Variants in LNX1 observed in about 807,000 individuals in gnomAD.
LNX1 encodes the protein E3 ubiquitin-protein ligase LNX.
LNX1 carries 54 observed loss-of-function variants against 68.4 expected under a neutral mutation model. The observed-to-expected ratio is 0.79, with a 90% confidence interval of 0.63 to 0.99. The LOEUF (loss-of-function observed/expected upper bound fraction) is 0.99, where lower values mean the gene tolerates loss of function less well. Ranked by LOEUF, LNX1 falls within the 50% of genes least tolerant of loss-of-function variation. LNX1 has a pLI of 0.00. For missense variants in LNX1, 906 were observed against 926.4 expected (o/e 0.98, Z 0.29); for synonymous variants, 336 against 350.0 (o/e 0.96, Z 0.45).
Position 53,539,105 on chromosome 4 carries a change from G to A in LNX1, c.381-30878C>T, listed in dbSNP as rs567724955. 3 of 152,266 alleles carry A rather than the reference G, an allele frequency of 2.0e-5. No homozygotes were observed. In the South Asian group the frequency reaches 6.2e-4, roughly 32 times the overall value. The allele number at this position is 152,266 out of a possible 1,614,324, so 9.4% of individuals were successfully genotyped here. ...TTTTTTCCTTTAGGTTAAATTTCCT[G>A]GATAAAATCAGATCAGCCGTGTAAT... On this transcript the variant is annotated intron_variant, in intron 2 of 10. Coordinates refer to ENST00000263925, the MANE Select transcript of LNX1 (RefSeq NM_001126328.3).
chr4:53,461,119 T>C, intron 10 of LNX1, 77 bp from the exon 11 acceptor site: 1 of 1,214,152 alleles, frequency 8.2e-7, no homozygotes, highest in Non-Finnish European at 1.1e-6. Context: ...ATCTTAGTGG[T>C]GCTAGATTTT....
At chr4:53,594,377 C>T (rs1219561152), upstream of LNX1, among the ~76,000 whole-genome samples, 1 of 152,050 alleles carries the variant, frequency 6.6e-6, no homozygotes, top group Non-Finnish European at 1.5e-5. Flanking sequence ...CTTCTGCGGC[C>T]TATCACTTTA....
intron 1 of LNX1, among the ~76,000 whole-genome samples, chr4:53,590,488 A>G (rs1015100721): frequency 7.5e-6 from 1 of 133,326 alleles, no homozygotes; most frequent in Non-Finnish European, 1.6e-5. Flanking sequence ...AATATTGGCT[A>G]AAGAGTTTGA....
chr4:53,520,696 T>C (rs1214032350), intron 2 of LNX1, among the ~76,000 whole-genome samples: 1 of 152,210 alleles, frequency 6.6e-6, no homozygotes, highest in Non-Finnish European at 1.5e-5. Context: ...GCATGGAGGC[T>C]CATGCCTGTA....
Position 53,476,817 on chromosome 4 carries a change from T to G in LNX1, c.1828A>C (p.Asn610His). Residue 610 changes from asparagine to histidine, a missense_variant, in exon 9 of 11, where the codon AAC becomes CAC. Transcript: ENST00000263925. ...DCSSPAALDS[N>H]HNMAPPSDWS... ...TCACTGGGTGGGGCCATGTTGTGGT[T>G]GGAGTCCAGGGCTGCTGGGCTGCTG... is the stretch of plus-strand genomic sequence containing the variant. The G allele has an allele frequency of 6.2e-7, 1 of 1,614,168 alleles. No individual in the cohort carries two copies. Among genetic ancestry groups the G allele is most frequent in the South Asian group, 1.1e-5 (1 of 91,082 alleles).
At chr4:53,493,964 A>G (rs1482723550) in intron 6 of LNX1, among the ~76,000 whole-genome samples, 1 of 152,192 alleles carries the variant, frequency 6.6e-6, no homozygotes, top group Non-Finnish European at 1.5e-5. Context: ...CATGGCTCGC[A>G]ATATTTCACA....
intron 2 of LNX1, among the ~76,000 whole-genome samples, chr4:53,537,992 C>T (rs1384649909): frequency 2.0e-5 from 3 of 152,210 alleles, no homozygotes; most frequent in Admixed American, 2.0e-4. Context: ...ATAATTGCTT[C>T]TCTAATTATT....
intron 2 of LNX1, among the ~76,000 whole-genome samples, chr4:53,565,018 T>C (rs4256278): frequency 0.58 from 87,787 of 151,746 alleles, 25,834 homozygotes; most frequent in Non-Finnish European, 0.63. Flanking sequence ...GTCTCGCTGA[T>C]TGCTAGCACA....
intron 6 of LNX1, among the ~76,000 whole-genome samples, chr4:53,492,530 A>AGG (rs1461935693): frequency 6.6e-6 from 1 of 151,228 alleles, no homozygotes; most frequent in Admixed American, 6.6e-5. Context: ...AGAGAGAGAG[A>AGG]GAGAGAGAGA....
intron 6 of LNX1, among the ~76,000 whole-genome samples, chr4:53,484,886 C>T (rs2109430124): frequency 6.6e-6 from 1 of 152,310 alleles, no homozygotes; most frequent in Non-Finnish European, 1.5e-5. Flanking sequence ...CTGCCCATGT[C>T]CTTCACACAA....
chr4:53,520,100 G>T (rs1419308720), intron 2 of LNX1, among the ~76,000 whole-genome samples: 1 of 152,188 alleles, frequency 6.6e-6, no homozygotes, highest in Non-Finnish European at 1.5e-5. Flanking sequence ...GAGGAGCTTT[G>T]TGGTTTCAGG....
intron 2 of LNX1, among the ~76,000 whole-genome samples, chr4:53,570,069 C>A (rs10213560): frequency 1.3e-5 from 2 of 151,658 alleles, no homozygotes; most frequent in Non-Finnish European, 2.9e-5. Context: ...GTTGGTGGGA[C>A]TGTAAACTAG....
intron 2 of LNX1, among the ~76,000 whole-genome samples, chr4:53,546,009 G>C (rs1049044144): frequency 2.6e-5 from 4 of 151,990 alleles, no homozygotes; most frequent in Non-Finnish European, 5.9e-5. Flanking sequence ...GTTTCACCAT[G>C]TTGGCCAGGC....
intron 6 of LNX1, among the ~76,000 whole-genome samples, chr4:53,491,848 A>T (rs1447445845): frequency 7.7e-6 from 1 of 130,364 alleles, no homozygotes; most frequent in Admixed American, 9.2e-5. Context: ...CCCAGGCTGG[A>T]GTACAATGGC....
chr4:53,476,528 C>T (rs1212997421), intron 9 of LNX1, among the ~76,000 whole-genome samples: 2 of 152,144 alleles, frequency 1.3e-5, no homozygotes, highest in South Asian at 2.1e-4. Context: ...TCAACCTGAA[C>T]GCCAAACAGT....
At position 53,476,769 on chromosome 4, in the gene LNX1, A is replaced by AC; in HGVS notation, c.1875dup (p.Trp626ValfsTer10). ...TGGACTTACCGTGGTAATTCCAGCC[A>AC]CATGACCCAGGATGGGGACCAGTCA... On this transcript the variant is annotated frameshift_variant, in exon 9 of 11. Transcript: ENST00000263925. LOFTEE classifies it high-confidence loss of function. The AC allele has an allele frequency of 6.2e-7, 1 of 1,614,130 alleles. No homozygotes were observed. Among genetic ancestry groups the AC allele is most frequent in the Non-Finnish European group, 8.5e-7 (1 of 1,180,002 alleles).
At chr4:53,567,495 AGT>A (rs1247139581) in intron 2 of LNX1, among the ~76,000 whole-genome samples, 7 of 152,254 alleles carry the variant, frequency 4.6e-5, no homozygotes, top group Admixed American at 2.0e-4. Flanking sequence ...CATGCAAAGC[AGT>A]GTGTAGAGGG....
At chr4:53,592,958 G>A (rs1732582001), upstream of LNX1, 1 of 152,174 alleles carries the variant, frequency 6.6e-6, no homozygotes, top group Admixed American at 6.5e-5. Context: ...GCCCCAGACA[G>A]GTCTAAGCTA....
chr4:53,538,930 G>A (rs11934631), intron 2 of LNX1, among the ~76,000 whole-genome samples: 23,305 of 152,216 alleles, frequency 0.15, 2,187 homozygotes, highest in South Asian at 0.32. Context: ...AAGCCAAATG[G>A]CCGATTAACA....
Sources: allele counts gnomAD v4.1 joint callset (sites outside exome capture counted in the v4.1 genomes callset), GRCh38; gene constraint gnomAD v4.1.1; transcripts MANE v1.5; gene names NCBI Gene and HGNC (gene_info 2026-07-23, HGNC 2026-07-21).